The following MIDEAS variants were observed in gnomAD, a reference collection of about 807,000 sequenced individuals.
MIDEAS encodes mitotic deacetylase-associated SANT domain protein.
MIDEAS carries 26 observed loss-of-function variants against 102.7 expected under a neutral mutation model. That is an observed-to-expected ratio of 0.25 (90% CI 0.19 to 0.35). MIDEAS has a LOEUF of 0.35. Among genes scored for constraint, MIDEAS ranks in the 10% least tolerant of loss-of-function variants. The pLI is 1.00. For synonymous variants in MIDEAS, 585 were observed against 591.0 expected (o/e 0.99, Z 0.15); for missense variants, 1,231 against 1,435.6 (o/e 0.86, Z 2.30).
rs2052867935 is a variant in MIDEAS at position 73,715,308 on chromosome 14, A to T, written c.*3535T>A. The T allele has an allele frequency of 6.6e-6, 1 of 152,660 alleles. No homozygotes were observed. The highest frequency in any genetic ancestry group is 1.5e-5 in the Non-Finnish European group (1 of 68,044). 9.5% of individuals were successfully genotyped at this position (152,660 alleles called of 1,614,324 possible). ...ATCACAACTGTACAGCAAAAGAGGT[A>T]ATATTTATATATGTACACTATTTTA... On this transcript the variant is annotated 3_prime_UTR_variant, in exon 13 of 13. Coordinates refer to ENST00000423556, the MANE Select transcript of MIDEAS (RefSeq NM_001367710.1).
At chr14:73,786,928 G>C (rs939948204) in intron 1 of MIDEAS, among the ~76,000 whole-genome samples, 1 of 151,564 alleles carries the variant, frequency 6.6e-6, no homozygotes, top group Admixed American at 6.6e-5. Context: ...GGCGCAGCCC[G>C]GCGCCCCGAC....
chr14:73,744,203 C>T (rs940679112), intron 1 of MIDEAS, among the ~76,000 whole-genome samples: 1 of 152,216 alleles, frequency 6.6e-6, no homozygotes, highest in African/African-American at 2.4e-5. Flanking sequence ...TCCCCAAATG[C>T]CATCGGCAGC....
chr14:73,756,289 T>TGCGC (rs1312850557), intron 1 of MIDEAS, among the ~76,000 whole-genome samples: 106 of 127,136 alleles, frequency 8.3e-4, no homozygotes, highest in African/African-American at 3.1e-3. Context: ...TGTGTGTGTG[T>TGCGC]GTGTGTGCGC....
At chr14:73,726,168 C>A in intron 7 of MIDEAS, 60 bp from the exon 8 acceptor site, 1 of 1,346,898 alleles carries the variant, frequency 7.4e-7, no homozygotes, top group African/African-American at 1.4e-5. Flanking sequence ...GTGGACGGAG[C>A]ATTCTAGGCC....
intron 3 of MIDEAS, chr14:73,730,207 T>A: frequency 1.4e-6 from 1 of 706,380 alleles, no homozygotes; most frequent in Non-Finnish European, 2.6e-6. Flanking sequence ...GTAAATATTT[T>A]AGGCTTTGTG....
chr14:73,786,049 A>G (rs1170911417), intron 1 of MIDEAS, among the ~76,000 whole-genome samples: 1 of 152,186 alleles, frequency 6.6e-6, no homozygotes, highest in Admixed American at 6.5e-5. Context: ...TCACGCTGTA[A>G]TTACAGGCCG....
intron 1 of MIDEAS, among the ~76,000 whole-genome samples, chr14:73,782,954 C>CT (rs2053769642): frequency 6.6e-6 from 1 of 152,202 alleles, no homozygotes; most frequent in African/African-American, 2.4e-5. Flanking sequence ...TGGTGCTTGG[C>CT]TTGGGTGTCC....
chr14:73,721,148 A>T, intron 11 of MIDEAS, 149 bp downstream of exon 11: 1 of 744,912 alleles, frequency 1.3e-6, no homozygotes, highest in Non-Finnish European at 2.2e-6. Context: ...AGTGAGGATT[A>T]AATGAGTTAA....
At chr14:73,776,344 C>G (rs372740673) in intron 1 of MIDEAS, among the ~76,000 whole-genome samples, 1 of 151,760 alleles carries the variant, frequency 6.6e-6, no homozygotes. Context: ...TAAAGCTCAG[C>G]GGGAGGCTAA....
In MIDEAS at chr14:73,759,708, C is replaced by T. The variant is rs368662995; in HGVS notation, c.-248+55G>A. The T allele has an allele frequency of 3.8e-4, 58 of 151,468 alleles. No individual in the cohort carries two copies. In the East Asian group the frequency reaches 9.6e-3, roughly 25 times the overall value. 9.4% of individuals were successfully genotyped at this position (151,468 alleles called of 1,614,324 possible). On this transcript the variant is annotated intron_variant, in intron 1 of 12. Transcript: ENST00000423556. The surrounding 1 kb of genome is among the most constrained non-coding windows in gnomAD (Gnocchi z 6.7). Reference sequence around the variant, plus strand: ...CAGCTCGCGCGCCGCCTGGGGTCCCCTCGCCGGCCCCGCCGCGTGCAGGCC... The same window carrying T: ...CAGCTCGCGCGCCGCCTGGGGTCCCTTCGCCGGCCCCGCCGCGTGCAGGCC...
chr14:73,742,254 C>T lies in MIDEAS; in HGVS notation c.-247-1999G>A, dbSNP rs1014783022. On this transcript the variant is annotated intron_variant, in intron 1 of 12. Coordinates refer to ENST00000423556, the MANE Select transcript of MIDEAS (RefSeq NM_001367710.1). This position sits in a 1 kb window ranked among gnomAD's most constrained non-coding sequence, Gnocchi z 4.4. Reference sequence around the variant, plus strand: ...TGCGAGCCCCTCCAGTGGGCGCTCACACACACTCACGCCTCCCTTCATCAC... The same window carrying T: ...TGCGAGCCCCTCCAGTGGGCGCTCATACACACTCACGCCTCCCTTCATCAC... Among the ~76,000 whole-genome samples, 4 of 152,262 alleles carry T rather than the reference C, an allele frequency of 2.6e-5. No individual in the cohort carries two copies. Among genetic ancestry groups the T allele is most frequent in the Non-Finnish European group, 4.4e-5 (3 of 68,050 alleles).
chr14:73,720,336 C>T (rs1385530817), intron 11 of MIDEAS, among the ~76,000 whole-genome samples: 1 of 151,384 alleles, frequency 6.6e-6, no homozygotes, highest in African/African-American at 2.4e-5. Context: ...CCTCCTCCAC[C>T]TCCTGGGTTC....
rs35905570 is a variant in MIDEAS, at chr14:73,722,739, C to T, written c.2683G>A (p.Asp895Asn). ...ACCTCTTCCTGGGCCGACTTCTCAT[C>T]GCTCGTATCCACATCCCCAAAGGTT... ...TLTFGDVDTS[D>N]EKSAQEEVEV... The change falls in exon 10 of 13, where the codon GAT becomes AAT. Residue 895 changes from aspartate to asparagine, a missense_variant. Physicochemically the swap from Asp to Asn is conservative, Grantham distance 23. Around this residue, in one of 5 missense-constraint regions of MIDEAS, gnomAD observed 391 missense variants for 483.0 expected, o/e 0.81. Transcript: ENST00000423556. 565 of 1,614,188 alleles carry T rather than the reference C, an allele frequency of 3.5e-4. 1 individual carries two copies. The African/African-American group carries it at 6.5e-3, about 18-fold the overall frequency.
chr14:73,773,297 G>A (rs1378598483), intron 1 of MIDEAS, among the ~76,000 whole-genome samples: 1 of 151,834 alleles, frequency 6.6e-6, no homozygotes. Flanking sequence ...TTCGGAATAC[G>A]TACCCTATGA....
chr14:73,786,139 T>A (rs2053805540), intron 1 of MIDEAS, among the ~76,000 whole-genome samples: 1 of 152,194 alleles, frequency 6.6e-6, no homozygotes, highest in African/African-American at 2.4e-5. Flanking sequence ...GGACGCACTT[T>A]CCTGCACACA....
chr14:73,725,350 C>T lies in MIDEAS; in HGVS notation c.2496G>A (p.Gln832=), dbSNP rs1370489576. The T allele has an allele frequency of 9.3e-6, 15 of 1,614,024 alleles. No individual in the cohort carries two copies. Among genetic ancestry groups the T allele is most frequent in the Non-Finnish European group, 1.3e-5 (15 of 1,179,910 alleles). The change falls in exon 9 of 13, where the codon CAG becomes CAA. Residue 832 remains glutamine, a synonymous_variant. Coordinates refer to ENST00000423556, the MANE Select transcript of MIDEAS (RefSeq NM_001367710.1). The surrounding 1 kb of genome is among the most constrained non-coding windows in gnomAD (Gnocchi z 4.1). ...ACAGCTTCCTCTCGGCCATCTTCCA[C>T]TGGTCAGAGCCTATGGGGCAAAGAG... ...LATYHYTGSD[Q]WKMAERKLFN... is the part of the protein sequence containing the mutation.
rs760840582 is a variant in MIDEAS at position 73,721,451 on chromosome 14, C to T, written c.2783G>A (p.Arg928Lys). ...CTTCACCTCCCTCTTGGGCTCCAGCCTCTCTTCACTTGGGGACTCTCTTCT... is the reference window on the plus strand; with the variant it reads ...CTTCACCTCCCTCTTGGGCTCCAGCTTCTCTTCACTTGGGGACTCTCTTCT... ...LPRRESPSEE[R>K]LEPKREVKEP... The change falls in exon 11 of 13, where the codon AGG becomes AAG. Residue 928 changes from arginine to lysine, a missense_variant. Around this residue, in one of 5 missense-constraint regions of MIDEAS, gnomAD observed 391 missense variants for 483.0 expected, o/e 0.81. Transcript: ENST00000423556. 5.6e-6 allele frequency: 9 copies of T among 1,614,148 alleles called. No individual in the cohort carries two copies. Among genetic ancestry groups the T allele is most frequent in the Admixed American group, 1.7e-5 (1 of 60,024 alleles).
chr14:73,773,697 G>A (rs1481482106), intron 1 of MIDEAS, among the ~76,000 whole-genome samples: 2 of 151,888 alleles, frequency 1.3e-5, no homozygotes, highest in African/African-American at 2.4e-5. Context: ...CAGCCCTAAG[G>A]GTGGCTCAAC....
At chr14:73,755,775 G>A (rs915219196) in intron 1 of MIDEAS, among the ~76,000 whole-genome samples, 3 of 152,148 alleles carry the variant, frequency 2.0e-5, no homozygotes, top group African/African-American at 7.2e-5. Context: ...AAGCTTCAGT[G>A]GCCTGGTAGA....
Sources: gnomAD v4.1 joint callset for allele counts (sites outside exome capture counted in the v4.1 genomes callset) on GRCh38, gnomAD v4.1.1 for gene constraint, gnomAD v4.1.1 regional missense constraint, Gnocchi (gnomAD v3.1) non-coding constraint, MANE v1.5 for transcripts, NCBI Gene and HGNC (gene_info 2026-07-23, HGNC 2026-07-21) for gene names.